Variants in ARL15 observed in about 807,000 individuals in gnomAD.
ARL15 encodes ADP-ribosylation factor-like protein 15.
ARL15 carries 19 observed loss-of-function variants against 25.2 expected under a neutral mutation model. The observed-to-expected ratio is 0.75, with a 90% CI of 0.53 to 1.10. The LOEUF (loss-of-function observed/expected upper bound fraction) is 1.10. Among genes scored for constraint, ARL15 ranks in the 50% least tolerant of loss-of-function variants. ARL15 has a pLI of 0.00. For missense variants in ARL15, 220 were observed against 246.0 expected (o/e 0.89, Z 0.71); for synonymous variants, 94 against 86.8 (o/e 1.08, Z -0.46).
chr5:54,096,368 T>G (rs901179380), intron 4 of ARL15, among the ~76,000 whole-genome samples: 14 of 152,230 alleles, frequency 9.2e-5, no homozygotes, highest in Non-Finnish European at 1.8e-4. Context: ...TTGAAGAGAA[T>G]GAACACAAGT....
intron 4 of ARL15, among the ~76,000 whole-genome samples, chr5:53,891,034 G>C (rs1254375467): frequency 6.6e-6 from 1 of 152,144 alleles, no homozygotes; most frequent in Non-Finnish European, 1.5e-5. Flanking sequence ...TTGATTTTCA[G>C]TTCTTGCCAA....
At chr5:54,140,194 T>C (rs1156367914) in intron 3 of ARL15, among the ~76,000 whole-genome samples, 1 of 151,684 alleles carries the variant, frequency 6.6e-6, no homozygotes, top group African/African-American at 2.4e-5. Context: ...AGGTCTCTCT[T>C]AACTTACTGG....
At chr5:54,081,710 C>A (rs934186781) in intron 4 of ARL15, among the ~76,000 whole-genome samples, 19 of 152,140 alleles carry the variant, frequency 1.2e-4, no homozygotes, top group African/African-American at 4.6e-4. Context: ...ATGTAAGTTT[C>A]CTGAGGCCTC....
At chr5:54,232,272 C>T (rs1756691756) in intron 1 of ARL15, among the ~76,000 whole-genome samples, 1 of 152,154 alleles carries the variant, frequency 6.6e-6, no homozygotes, top group Non-Finnish European at 1.5e-5. Context: ...GGCTCTTTGA[C>T]AGCAGGTACT....
At chr5:54,007,375 C>G (rs1027358021) in intron 4 of ARL15, among the ~76,000 whole-genome samples, 1 of 152,128 alleles carries the variant, frequency 6.6e-6, no homozygotes. Context: ...AAGTAACTGG[C>G]CTTCTAGCTT....
intron 4 of ARL15, among the ~76,000 whole-genome samples, chr5:54,060,129 T>TTAA (rs1491282826): frequency 1.3e-5 from 1 of 77,562 alleles, no homozygotes; most frequent in African/African-American, 4.6e-5. Flanking sequence ...ATCTGATGAC[T>TTAA]AAAAAAAAAA....
chr5:54,310,340 G>T, intron 1 of ARL15, 92 bp downstream of exon 1: 4 of 1,433,900 alleles, frequency 2.8e-6, no homozygotes, highest in African/African-American at 1.4e-5. Context: ...CTATCCCAAA[G>T]AAAGAAAGCA....
intron 4 of ARL15, among the ~76,000 whole-genome samples, chr5:53,894,378 A>G (rs1452122197): frequency 6.6e-6 from 1 of 152,246 alleles, no homozygotes; most frequent in Non-Finnish European, 1.5e-5. Context: ...AGAAGTTAGT[A>G]TGTCCCAGAA....
intron 4 of ARL15, among the ~76,000 whole-genome samples, chr5:53,901,549 C>T (rs919931404): frequency 2.6e-5 from 4 of 151,928 alleles, no homozygotes; most frequent in East Asian, 1.9e-4. Flanking sequence ...CTGCTACACA[C>T]GAGTAAAATG....
Position 53,926,423 on chromosome 5 carries a change from C to A in ARL15, c.463-39710G>T, listed in dbSNP as rs184283748. 1.6e-3 allele frequency among the ~76,000 whole-genome samples: 239 copies of A among 152,136 alleles called. 2 individuals are homozygous for A. The highest frequency in any genetic ancestry group is 5.4e-3 in the African/African-American group (223 of 41,488). On this transcript the variant is annotated intron_variant, in intron 4 of 4. Coordinates refer to ENST00000504924, the MANE Select transcript of ARL15 (RefSeq NM_019087.3). The stretch of plus-strand genomic sequence containing the variant: ...AGCCACGGCGGGAAAAAAGTCCCCC[C>A]ACCCCAGCCACTTCATCCAAAGCAC...
rs542095327 is a variant in ARL15, at chr5:54,090,807, C to A, written c.462+22395G>T. ...GGACTCTCTTTTAAATGAAAGTACA[C>A]ATACTTCTACAAACACTACTTAGCA... On this transcript the variant is annotated intron_variant, in intron 4 of 4. Transcript: ENST00000504924. Among the ~76,000 whole-genome samples, 10 of 152,250 alleles carry A rather than the reference C, an allele frequency of 6.6e-5. No individual in the cohort carries two copies. The South Asian group carries it at 1.9e-3, about 28-fold the overall frequency.
chr5:53,969,107 C>T (rs1360197759), intron 4 of ARL15, among the ~76,000 whole-genome samples: 5 of 151,942 alleles, frequency 3.3e-5, no homozygotes, highest in East Asian at 1.9e-4. Flanking sequence ...GCCGAGATCG[C>T]GCCACTACAC....
intron 1 of ARL15, among the ~76,000 whole-genome samples, chr5:54,247,640 G>A (rs987355852): frequency 1.3e-5 from 2 of 149,696 alleles, no homozygotes; most frequent in African/African-American, 2.5e-5. Flanking sequence ...ATAACATTAA[G>A]AGTCCTTTCA....
intron 4 of ARL15, among the ~76,000 whole-genome samples, chr5:53,918,836 A>AC (rs1334732678): frequency 6.6e-6 from 1 of 152,020 alleles, no homozygotes; most frequent in Non-Finnish European, 1.5e-5. Flanking sequence ...ACAGTAAAAA[A>AC]AAAAGCTGCA....
chr5:53,999,762 G>A (rs1161907716), intron 4 of ARL15, among the ~76,000 whole-genome samples: 1 of 151,930 alleles, frequency 6.6e-6, no homozygotes, highest in Non-Finnish European at 1.5e-5. Flanking sequence ...TGGGCGTGGT[G>A]GCACATGCCT....
intron 4 of ARL15, among the ~76,000 whole-genome samples, chr5:53,946,382 G>A (rs551292932): frequency 4.7e-5 from 7 of 150,372 alleles, no homozygotes; most frequent in East Asian, 3.9e-4. Flanking sequence ...CTTGGAAGGC[G>A]GAGGTTGCAG....
At chr5:54,257,882 AG>A (rs770007057) in intron 1 of ARL15, among the ~76,000 whole-genome samples, 4 of 152,150 alleles carry the variant, frequency 2.6e-5, no homozygotes, top group Non-Finnish European at 5.9e-5. Flanking sequence ...CTATAAACAC[AG>A]GAGTATTGAC....
chr5:54,103,465 TAG>T (rs1195133537), intron 4 of ARL15, among the ~76,000 whole-genome samples: 6 of 152,044 alleles, frequency 3.9e-5, no homozygotes, highest in African/African-American at 1.4e-4. Context: ...ATTGAAATAA[TAG>T]AGTCATGGCT....
chr5:54,039,521 C>T (rs966001810), intron 4 of ARL15, among the ~76,000 whole-genome samples: 2 of 151,782 alleles, frequency 1.3e-5, no homozygotes, highest in South Asian at 4.2e-4. Flanking sequence ...CAAATAGTGC[C>T]GGGTGTGGTG....
Sources: allele counts gnomAD v4.1 joint callset (sites outside exome capture counted in the v4.1 genomes callset), GRCh38; gene constraint gnomAD v4.1.1; transcripts MANE v1.5; gene names NCBI Gene and HGNC (gene_info 2026-07-23, HGNC 2026-07-21).